Variants in EMC2 observed in about 807,000 individuals in gnomAD.
The protein encoded by EMC2 is ER membrane protein complex subunit 2.
Under a neutral mutation model 51.6 loss-of-function variants are expected in EMC2, and 37 were observed. The ratio of observed to expected loss-of-function variants is 0.72; its 90% CI spans 0.55 to 0.94. The LOEUF is 0.94. Ranked by LOEUF, EMC2 falls within the 40% of genes least tolerant of loss-of-function variation. The pLI is 0.00. For synonymous variants in EMC2, 131 were observed against 112.4 expected (o/e 1.17, Z -1.04); for missense variants, 359 against 350.9 (o/e 1.02, Z -0.18).
At chr8:108,457,337 T>TGC (rs1819193470) in intron 5 of EMC2, among the ~76,000 whole-genome samples, 1 of 46,122 alleles carries the variant, frequency 2.2e-5, no homozygotes. Context: ...TGTGCGTGTG[T>TGC]GTGTGTGTGT....
intron 7 of EMC2, chr8:108,470,781 GTTT>G (rs1810840125): frequency 6.6e-6 from 1 of 151,970 alleles, no homozygotes; most frequent in Non-Finnish European, 1.5e-5. Context: ...CTAGAGGCGT[GTTT>G]TTTATTTTTT....
At chr8:108,470,024 A>G in intron 6 of EMC2, 38 bp from the exon 7 acceptor site, 4 of 1,585,152 alleles carry the variant, frequency 2.5e-6, no homozygotes, top group Non-Finnish European at 3.5e-6. Flanking sequence ...TTTACAGAAT[A>G]TCTACACACT....
intron 5 of EMC2, among the ~76,000 whole-genome samples, chr8:108,463,198 TATC>T (rs1040219658): frequency 4.6e-5 from 7 of 152,210 alleles, no homozygotes; most frequent in African/African-American, 1.2e-4. Flanking sequence ...ATTAGGTAAA[TATC>T]ATCAGTTAGT....
chr8:108,470,781 G>GT (rs1810840125), intron 7 of EMC2: 1 of 151,970 alleles, frequency 6.6e-6, no homozygotes, highest in Non-Finnish European at 1.5e-5. Flanking sequence ...CTAGAGGCGT[G>GT]TTTTTTATTT....
At chr8:108,481,308 G>A (rs1811040980) in intron 10 of EMC2, among the ~76,000 whole-genome samples, 2 of 151,906 alleles carry the variant, frequency 1.3e-5, no homozygotes, top group African/African-American at 2.4e-5. Flanking sequence ...GTCTGTTATA[G>A]AGCATGTTAG....
At chr8:108,445,052 A>G (rs942847910) in intron 1 of EMC2, among the ~76,000 whole-genome samples, 1 of 152,194 alleles carries the variant, frequency 6.6e-6, no homozygotes, top group Non-Finnish European at 1.5e-5. Context: ...TTCCTAGATG[A>G]TAGTAGCATA....
Position 108,458,936 on chromosome 8 carries a change from A to G in EMC2, c.363+3006A>G, listed in dbSNP as rs1819237214. ...CCTTGTAAAACTGAATGCCTTTAAC[A>G]GCACCCAAGCCACCTCTTGAATGCT... On this transcript the variant is annotated intron_variant, in intron 5 of 10. Coordinates refer to ENST00000220853, the MANE Select transcript of EMC2 (RefSeq NM_014673.5). 2.6e-5 allele frequency among the ~76,000 whole-genome samples: 4 copies of G among 152,316 alleles called. No individual in the cohort carries two copies. In the South Asian group the frequency reaches 8.3e-4, roughly 32 times the overall value.
chr8:108,457,321 CGTGTGTGTGCGT>C (rs1265954082), intron 5 of EMC2, among the ~76,000 whole-genome samples: 4 of 109,916 alleles, frequency 3.6e-5, no homozygotes, highest in African/African-American at 1.2e-4. Context: ...TAGGGATGTG[CGTGTGTGTGCGT>C]GTGTGTGTGT....
chr8:108,463,052 AAGACAG>A lies in EMC2; in HGVS notation c.364-6773_364-6768del, dbSNP rs1400236346. Among the ~76,000 whole-genome samples, 8 of 152,186 alleles carry A rather than the reference AAGACAG, an allele frequency of 5.3e-5. No homozygotes were observed. In the East Asian group the frequency reaches 9.6e-4, roughly 18 times the overall value. On this transcript the variant is annotated intron_variant, in intron 5 of 10. Coordinates refer to ENST00000220853, the MANE Select transcript of EMC2 (RefSeq NM_014673.5). ...CTCCTCCTCTTATTTACTTCTGAGG[AAGACAG>A]TATTTTATACCTCTGAGTTGATTCC...
intron 5 of EMC2, among the ~76,000 whole-genome samples, chr8:108,456,797 AC>A (rs1458238562): frequency 6.6e-6 from 1 of 152,182 alleles, no homozygotes; most frequent in Non-Finnish European, 1.5e-5. Context: ...TTACAGAGAG[AC>A]TTTAGATAAT....
chr8:108,448,837 AT>A (rs1166614237), intron 1 of EMC2, among the ~76,000 whole-genome samples: 11 of 152,066 alleles, frequency 7.2e-5, no homozygotes, highest in African/African-American at 2.7e-4. Context: ...AAAATTTAAA[AT>A]TCTAGTGGTT....
chr8:108,473,160 T>C (rs544189468), intron 7 of EMC2, among the ~76,000 whole-genome samples: 2 of 152,238 alleles, frequency 1.3e-5, no homozygotes, highest in African/African-American at 4.8e-5. Context: ...GTTTCTGATT[T>C]ATAGTTTGTT....
rs556458848 is a variant in EMC2, at chr8:108,489,196, C to T, written c.*2598C>T. Among the ~76,000 whole-genome samples, 19 of 152,188 alleles carry T rather than the reference C, an allele frequency of 1.2e-4. No individual in the cohort carries two copies. The highest frequency in any genetic ancestry group is 2.6e-4 in the Non-Finnish European group (18 of 68,038). ...AATAAACTCCAGATTGTTTAAGACACTGTTTGGTTTCCTGTTACTTTAGCC... is the reference window on the plus strand; with the variant it reads ...AATAAACTCCAGATTGTTTAAGACATTGTTTGGTTTCCTGTTACTTTAGCC... On this transcript the variant is annotated 3_prime_UTR_variant, in exon 11 of 11. Coordinates refer to ENST00000220853, the MANE Select transcript of EMC2 (RefSeq NM_014673.5).
At position 108,488,307 on chromosome 8, in the gene EMC2, T is replaced by C. The variant is rs180967707; in HGVS notation, c.*1709T>C. Reference sequence around the variant, plus strand: ...CTCTGAGTAGCTGGGACTACAGGCATGTGCCACCATGCCTGGCTAATTTTG... The same window carrying C: ...CTCTGAGTAGCTGGGACTACAGGCACGTGCCACCATGCCTGGCTAATTTTG... On this transcript the variant is annotated 3_prime_UTR_variant, in exon 11 of 11. Transcript: ENST00000220853. Among the ~76,000 whole-genome samples, 163 of 151,930 alleles carry C rather than the reference T, an allele frequency of 1.1e-3. 1 individual carries two copies. The highest frequency in any genetic ancestry group is 3.7e-3 in the African/African-American group (154 of 41,460).
intron 7 of EMC2, among the ~76,000 whole-genome samples, chr8:108,471,208 A>G (rs1043355997): frequency 6.6e-6 from 1 of 152,012 alleles, no homozygotes; most frequent in African/African-American, 2.4e-5. Context: ...AAACATACTC[A>G]TGATTTCTTA....
At chr8:108,479,717 A>G (rs990654419) in intron 10 of EMC2, among the ~76,000 whole-genome samples, 9 of 152,072 alleles carry the variant, frequency 5.9e-5, no homozygotes, top group East Asian at 1.9e-4. Context: ...GGCTTTTTAT[A>G]TACCCGTTAA....
Position 108,486,492 on chromosome 8 carries a change from T to TTTC in EMC2, c.808-18_808-17insCTT. The stretch of plus-strand genomic sequence containing the variant: ...CTGAAATTGAGCCTAATTGAGCTTT[T>TTTC]TTTTTTTTTTTTTAATTAGTTTGCA... On this transcript the variant is annotated intron_variant, in intron 10 of 10. Coordinates refer to ENST00000220853, the MANE Select transcript of EMC2 (RefSeq NM_014673.5). The TTTC allele has an allele frequency of 6.6e-7, 1 of 1,504,412 alleles. No individual in the cohort carries two copies. The allele number at this position is 1,504,412 out of a possible 1,614,324, so 93.2% of individuals were successfully genotyped here.
rs554965585 is a variant in EMC2 at position 108,448,616 on chromosome 8, T to TTGTGAGGCCTCCCCAGCCACGTGGAAC, written c.41-1204_41-1178dup. ...TTTTCCTTCTTGTCTTCTGCCATCA[T>TTGTGAGGCCTCCCCAGCCACGTGGAAC]TGTGAGGCCTCCCCAGCCACGTGGA... is the stretch of plus-strand genomic sequence containing the variant. On this transcript the variant is annotated intron_variant, in intron 1 of 10. Transcript: ENST00000220853. 2.5e-4 allele frequency among the ~76,000 whole-genome samples: 38 copies of TTGTGAGGCCTCCCCAGCCACGTGGAAC among 152,296 alleles called. 1 individual carries two copies. The South Asian group carries it at 5.0e-3, about 20-fold the overall frequency.
intron 5 of EMC2, among the ~76,000 whole-genome samples, chr8:108,463,615 A>G (rs1017643596): frequency 2.6e-5 from 4 of 152,114 alleles, no homozygotes; most frequent in South Asian, 2.1e-4. Context: ...AACTCTGCCT[A>G]TTGTGATATA....
Sources: allele counts gnomAD v4.1 joint callset (sites outside exome capture counted in the v4.1 genomes callset), GRCh38; gene constraint gnomAD v4.1.1; transcripts MANE v1.5; gene names NCBI Gene and HGNC (gene_info 2026-07-23, HGNC 2026-07-21).